SDK1: variants seen among roughly 807,000 people sequenced by gnomAD.
SDK1 encodes sidekick cell adhesion molecule 1, also known as protein sidekick-1.
SDK1 carries 157 observed loss-of-function variants against 245.5 expected under a neutral mutation model. The ratio of observed to expected loss-of-function variants is 0.64; its 90% CI spans 0.56 to 0.73. The LOEUF (loss-of-function observed/expected upper bound fraction) is 0.73. SDK1 is among the 30% of genes least tolerant of loss of function. SDK1 has a pLI of 0.00. For synonymous variants in SDK1, 1,647 were observed against 1,278.5 expected (o/e 1.29, Z -6.15); for missense variants, 3,583 against 3,002.3 (o/e 1.19, Z -4.52).
chr7:3,569,232 A>G (rs1470241797), intron 1 of SDK1, among the ~76,000 whole-genome samples: 1 of 152,032 alleles, frequency 6.6e-6, no homozygotes, highest in Admixed American at 6.5e-5. Flanking sequence ...AAACAAGGAA[A>G]AACAGAAGTC....
At chr7:3,642,216 A>T in intron 4 of SDK1, 111 bp downstream of exon 4, 1 of 994,780 alleles carries the variant, frequency 1.0e-6, no homozygotes, top group Non-Finnish European at 1.5e-6. Context: ...AAAAGAGCAA[A>T]CTAGTCTAGG....
chr7:4,190,075 A>G lies in SDK1; in HGVS notation c.5098+11489A>G, dbSNP rs933002790. ...TCCTAGTGCCTATTAAGTGAAATTA[A>G]AAGGCTTCAGTGACGCCAGTTTGAA... On this transcript the variant is annotated intron_variant, in intron 35 of 44. Transcript: ENST00000404826. Among the ~76,000 whole-genome samples the G allele has an allele frequency of 2.0e-5, 3 of 152,232 alleles. No individual in the cohort carries two copies. In the East Asian group the frequency reaches 5.8e-4, roughly 29 times the overall value.
At chr7:3,740,078 A>G (rs1234049052) in intron 4 of SDK1, among the ~76,000 whole-genome samples, 1 of 152,202 alleles carries the variant, frequency 6.6e-6, no homozygotes, top group African/African-American at 2.4e-5. Flanking sequence ...TAAATCTCCA[A>G]GCCTTTGGGA....
intron 5 of SDK1, among the ~76,000 whole-genome samples, chr7:3,916,146 G>C (rs182992403): frequency 0.018 from 2,705 of 152,324 alleles, 48 homozygotes; most frequent in Admixed American, 0.038. Context: ...AGAGTAGCGG[G>C]GGGTGGGAAA....
chr7:3,313,908 A>G, intron 1 of SDK1, among the ~76,000 whole-genome samples: 1 of 152,362 alleles, frequency 6.6e-6, no homozygotes, highest in East Asian at 1.9e-4. Flanking sequence ...TACACAATAA[A>G]TATATACAAA....
intron 31 of SDK1, among the ~76,000 whole-genome samples, chr7:4,159,847 T>G (rs1462603624): frequency 1.3e-5 from 2 of 152,258 alleles, no homozygotes; most frequent in African/African-American, 4.8e-5. Flanking sequence ...AGATTACTCA[T>G]GAGAGCTCCT....
chr7:3,577,712 A>C (rs935080221), intron 1 of SDK1, among the ~76,000 whole-genome samples: 4 of 152,088 alleles, frequency 2.6e-5, no homozygotes, highest in Admixed American at 2.6e-4. Context: ...GAGCCCTTGA[A>C]GTGCTGTGAG....
chr7:3,648,320 G>A (rs1294636102), intron 4 of SDK1, among the ~76,000 whole-genome samples: 7 of 152,144 alleles, frequency 4.6e-5, no homozygotes, highest in African/African-American at 9.7e-5. Context: ...GTGCTTAATT[G>A]CAGGTTCTTG....
At chr7:3,475,419 G>A in intron 1 of SDK1, among the ~76,000 whole-genome samples, 1 of 152,182 alleles carries the variant, frequency 6.6e-6, no homozygotes, top group South Asian at 2.1e-4. Context: ...GGCTCCTCCA[G>A]AGCAGCGTTT....
chr7:4,149,246 C>A lies in SDK1; in HGVS notation c.4424-16C>A. The A allele has an allele frequency of 1.3e-6, 2 of 1,504,186 alleles. No homozygotes were observed. The highest frequency in any genetic ancestry group is 1.3e-5 in the South Asian group (1 of 74,132). 93.2% of individuals were successfully genotyped at this position (1,504,186 alleles called of 1,614,324 possible). A position where few individuals can be genotyped will look rare whatever the true frequency, so the allele number is the denominator to read the frequency against. ...AGCCTCTCACATGTCCCTGGTCTGTCCTCATTTGGTTGCAGAGCGGCCGGC... is the reference window on the plus strand; with the variant it reads ...AGCCTCTCACATGTCCCTGGTCTGTACTCATTTGGTTGCAGAGCGGCCGGC... On this transcript the variant is annotated splice_polypyrimidine_tract_variant and intron_variant, in intron 29 of 44. Transcript: ENST00000404826.
At chr7:3,982,731 T>C (rs1783510616) in intron 13 of SDK1, among the ~76,000 whole-genome samples, 1 of 151,842 alleles carries the variant, frequency 6.6e-6, no homozygotes, top group Non-Finnish European at 1.5e-5. Flanking sequence ...TCCCAGCTAC[T>C]CGGGGGGCTG....
rs114232276 is a variant in SDK1, at chr7:4,173,098, G to C, written c.4801-1124G>C. 5.4e-3 allele frequency among the ~76,000 whole-genome samples: 828 copies of C among 152,372 alleles called. 11 individuals carry two copies. The highest frequency in any genetic ancestry group is 0.019 in the African/African-American group (785 of 41,586). On this transcript the variant is annotated intron_variant, in intron 32 of 44. Transcript: ENST00000404826. ...AGGGAGCAGGATGGTGCTGCGGTGT[G>C]GGTGCCTCACAGTGAGCCCGACACC...
intron 4 of SDK1, among the ~76,000 whole-genome samples, chr7:3,820,633 C>T (rs906295060): frequency 5.3e-5 from 8 of 152,160 alleles, no homozygotes; most frequent in Admixed American, 1.3e-4. Context: ...GAGAGTCTTT[C>T]TATGGTATGA....
chr7:3,612,014 G>T (rs187695082), intron 1 of SDK1, among the ~76,000 whole-genome samples: 7 of 152,210 alleles, frequency 4.6e-5, no homozygotes, highest in South Asian at 2.1e-4. Context: ...ACCAAACATT[G>T]TATCTTCTCA....
intron 1 of SDK1, among the ~76,000 whole-genome samples, chr7:3,539,962 A>T (rs1178789432): frequency 1.3e-5 from 2 of 152,074 alleles, no homozygotes; most frequent in Admixed American, 6.6e-5. Context: ...ATACCTCCTA[A>T]TTTTTTTTAG....
intron 14 of SDK1, among the ~76,000 whole-genome samples, chr7:3,990,920 G>A (rs1784255004): frequency 1.3e-5 from 2 of 152,226 alleles, no homozygotes; most frequent in South Asian, 4.1e-4. Flanking sequence ...ATGAGAAGCA[G>A]GTTTCGTGTG....
intron 1 of SDK1, among the ~76,000 whole-genome samples, chr7:3,526,461 C>T (rs1783136391): frequency 6.6e-6 from 1 of 152,128 alleles, no homozygotes; most frequent in South Asian, 2.1e-4. Flanking sequence ...TGTCAGCTCC[C>T]TTTCTATAAC....
rs1459253017 is a variant in SDK1, at chr7:3,881,054, AAC to A, written c.847+59477_847+59478del. Among the ~76,000 whole-genome samples, 4 of 152,228 alleles carry A rather than the reference AAC, an allele frequency of 2.6e-5. No individual in the cohort carries two copies. In the East Asian group the frequency reaches 7.7e-4, roughly 29 times the overall value. Reference sequence around the variant, plus strand: ...ACAGGATTTTAATAAGATTTGGGAAAACACACAAACATTCTTTTTTTTTTAAT... The same window carrying A: ...ACAGGATTTTAATAAGATTTGGGAAAACACAAACATTCTTTTTTTTTTAAT... On this transcript the variant is annotated intron_variant, in intron 5 of 44. Coordinates refer to ENST00000404826, the MANE Select transcript of SDK1 (RefSeq NM_152744.4).
intron 25 of SDK1, among the ~76,000 whole-genome samples, chr7:4,117,404 G>C (rs771526878): frequency 1.3e-5 from 2 of 152,180 alleles, no homozygotes; most frequent in Non-Finnish European, 2.9e-5. Context: ...GGAGTTTGAG[G>C]CTGCACTGAG....
Sources: gnomAD v4.1 joint callset for allele counts (sites outside exome capture counted in the v4.1 genomes callset) on GRCh38, gnomAD v4.1.1 for gene constraint, MANE v1.5 for transcripts, NCBI Gene and HGNC (gene_info 2026-07-23, HGNC 2026-07-21) for gene names.